PAFAH1B1: variants seen among roughly 807,000 people sequenced by gnomAD.
The protein encoded by PAFAH1B1 is platelet-activating factor acetylhydrolase IB subunit beta.
A neutral mutation model predicts 57.5 loss-of-function variants in PAFAH1B1; 2 were observed. The observed-to-expected ratio is 0.03, with a 90% CI of 0.01 to 0.11. The LOEUF (loss-of-function observed/expected upper bound fraction) is 0.11, where lower values mean the gene tolerates loss of function less well. Among genes scored for constraint, PAFAH1B1 ranks in the 10% least tolerant of loss-of-function variants. The pLI is 1.00. For missense variants in PAFAH1B1, 257 were observed against 512.0 expected, an observed-to-expected ratio of 0.50 and a Z score of 4.81; for synonymous variants, 152 against 169.6, an observed-to-expected ratio of 0.90 and a Z score of 0.81.
intron 1 of PAFAH1B1, among the ~76,000 whole-genome samples, chr17:2,620,084 A>G (rs1350090972): frequency 1.3e-5 from 2 of 152,134 alleles, no homozygotes; most frequent in East Asian, 1.9e-4. Flanking sequence ...CCCCAGCCCC[A>G]TATTTTCATA....
chr17:2,614,584 T>G (rs1448154390), intron 1 of PAFAH1B1, among the ~76,000 whole-genome samples: 1 of 152,142 alleles, frequency 6.6e-6, no homozygotes, highest in East Asian at 1.9e-4. Flanking sequence ...TTGAAGGATT[T>G]TTAAAGACGA....
At chr17:2,593,608 C>CGGT, upstream of PAFAH1B1, 1 of 216,408 alleles carries the variant, frequency 4.6e-6, no homozygotes, top group South Asian at 8.3e-5. Context: ...GCGGCGGCGG[C>CGGT]GGCGGCGGCG....
At chr17:2,601,130 ATTAT>A (rs111378045) in intron 1 of PAFAH1B1, among the ~76,000 whole-genome samples, 3 of 151,982 alleles carry the variant, frequency 2.0e-5, no homozygotes, top group Middle Eastern at 3.2e-3. Context: ...ATATTTATTT[ATTAT>A]TTATTTATTT....
intron 8 of PAFAH1B1, 123 bp from the exon 9 acceptor site, chr17:2,676,378 AAAAC>A (rs1208925350): frequency 1.0e-5 from 7 of 693,240 alleles, no homozygotes; most frequent in African/African-American, 1.8e-5. Flanking sequence ...ACTCCGTCTG[AAAAC>A]AAACAAAAAA....
At chr17:2,644,108 C>G (rs1012551983) in intron 2 of PAFAH1B1, among the ~76,000 whole-genome samples, 15 of 150,452 alleles carry the variant, frequency 1.0e-4, no homozygotes, top group Admixed American at 7.9e-4. Flanking sequence ...ACTCTTGGGC[C>G]CAAGCCTCCC....
At chr17:2,654,141 T>G (rs764253696) in intron 2 of PAFAH1B1, among the ~76,000 whole-genome samples, 109 of 151,828 alleles carry the variant, frequency 7.2e-4, no homozygotes, top group Non-Finnish European at 1.3e-3. Flanking sequence ...CTATTTAATA[T>G]GCTGCTTCTA....
intron 2 of PAFAH1B1, among the ~76,000 whole-genome samples, chr17:2,646,436 TG>T (rs2068769576): frequency 6.6e-6 from 1 of 151,498 alleles, no homozygotes; most frequent in Non-Finnish European, 1.5e-5. Flanking sequence ...GTGGATCACT[TG>T]AGGTCAGGAG....
At chr17:2,679,046 G>C (rs139011325) in intron 9 of PAFAH1B1, among the ~76,000 whole-genome samples, 1 of 152,028 alleles carries the variant, frequency 6.6e-6, no homozygotes, top group Non-Finnish European at 1.5e-5. Flanking sequence ...TAAAGTAGGC[G>C]TACATGGACA....
At chr17:2,616,989 T>C (rs927730517) in intron 1 of PAFAH1B1, among the ~76,000 whole-genome samples, 1 of 151,238 alleles carries the variant, frequency 6.6e-6, no homozygotes, top group Non-Finnish European at 1.5e-5. Flanking sequence ...AGGAGAATGG[T>C]GTGAACCCGG....
intron 5 of PAFAH1B1, among the ~76,000 whole-genome samples, chr17:2,668,771 C>G (rs1376171443): frequency 6.6e-6 from 1 of 152,046 alleles, no homozygotes; most frequent in African/African-American, 2.4e-5. Context: ...GTCAGGAGAT[C>G]GAGACCATCC....
At position 2,646,642 on chromosome 17, in the gene PAFAH1B1, T is replaced by C. The variant is rs186837731; in HGVS notation, c.32+8322T>C. ...GCCTGGGCAACAGAGTGAGACTCTG[T>C]CTCAAAAAATAATAAAATAAATAAA... On this transcript the variant is annotated intron_variant, in intron 2 of 10. Transcript: ENST00000397195. 4.3e-3 allele frequency among the ~76,000 whole-genome samples: 657 copies of C among 152,116 alleles called. 1 individual carries two copies. Among genetic ancestry groups the C allele is most frequent in the Non-Finnish European group, 7.2e-3 (490 of 67,990 alleles).
In PAFAH1B1 at chr17:2,682,646, A is replaced by C. The variant is rs922495269; in HGVS notation, c.*844A>C. On this transcript the variant is annotated 3_prime_UTR_variant, in exon 11 of 11. Transcript: ENST00000397195. ...CAAGTAGAATTTAATCTCCCCATTG[A>C]GTGTGTCATGGTACAAATCACTATT... The C allele has an allele frequency of 6.6e-6, 1 of 152,600 alleles. No homozygotes were observed. The highest frequency in any genetic ancestry group is 2.4e-5 in the African/African-American group (1 of 41,414). The allele number at this position is 152,600 out of a possible 1,614,324, so 9.5% of individuals were successfully genotyped here. A position where few individuals can be genotyped will look rare whatever the true frequency, so the allele number is the denominator to read the frequency against.
chr17:2,652,852 C>T (rs1430737276), intron 2 of PAFAH1B1, among the ~76,000 whole-genome samples: 1 of 152,142 alleles, frequency 6.6e-6, no homozygotes, highest in Non-Finnish European at 1.5e-5. Context: ...TTATGGAAGT[C>T]AGTGTGGCGA....
At chr17:2,670,453 A>G in intron 6 of PAFAH1B1, 122 bp downstream of exon 6, 1 of 964,760 alleles carries the variant, frequency 1.0e-6, no homozygotes, top group Admixed American at 1.8e-5. Flanking sequence ...TTGGTGGAAG[A>G]GCATACCATG....
chr17:2,670,014 A>G (rs964491570), intron 5 of PAFAH1B1, 149 bp from the exon 6 acceptor site: 3 of 726,754 alleles, frequency 4.1e-6, no homozygotes, highest in East Asian at 2.6e-5. Flanking sequence ...CAATTTATAC[A>G]TGAGATACAA....
chr17:2,619,304 A>G (rs1376033873), intron 1 of PAFAH1B1, among the ~76,000 whole-genome samples: 4 of 152,144 alleles, frequency 2.6e-5, no homozygotes, highest in South Asian at 2.1e-4. Flanking sequence ...GTATGTACCA[A>G]CCACCACACC....
At chr17:2,599,707 G>C (rs2068118241) in intron 1 of PAFAH1B1, among the ~76,000 whole-genome samples, 1 of 152,058 alleles carries the variant, frequency 6.6e-6, no homozygotes, top group Admixed American at 6.6e-5. Flanking sequence ...AGGGAACAGG[G>C]TTACACTTTG....
intron 7 of PAFAH1B1, among the ~76,000 whole-genome samples, chr17:2,673,512 G>A (rs1240081143): frequency 1.3e-5 from 2 of 151,722 alleles, no homozygotes; most frequent in African/African-American, 4.8e-5. Flanking sequence ...GGTGGCGGGC[G>A]CCTGTAGTCC....
rs1464754171 is a variant in PAFAH1B1, at chr17:2,681,904, A to G, written c.*102A>G. 3 of 799,278 alleles carry G rather than the reference A, an allele frequency of 3.8e-6. No homozygotes were observed. The highest frequency in any genetic ancestry group is 2.7e-5 in the Admixed American group (1 of 37,650). 49.5% of individuals were successfully genotyped at this position (799,278 alleles called of 1,614,324 possible). A position where few individuals can be genotyped will look rare whatever the true frequency, so the allele number is the denominator to read the frequency against. ...CTGTTTAAATAAATATTGTCCTTTC[A>G]TGTAAATTATTCTGGATGTAGATTG... On this transcript the variant is annotated 3_prime_UTR_variant, in exon 11 of 11. Transcript: ENST00000397195.
Sources: gnomAD v4.1 joint callset for allele counts (sites outside exome capture counted in the v4.1 genomes callset) on GRCh38, gnomAD v4.1.1 for gene constraint, MANE v1.5 for transcripts, NCBI Gene and HGNC (gene_info 2026-07-23, HGNC 2026-07-21) for gene names.